The following SCRG1 variants were observed in gnomAD, a reference collection of about 807,000 sequenced individuals.
SCRG1 encodes the protein scrapie-responsive protein 1.
A neutral mutation model predicts 7.7 loss-of-function variants in SCRG1; 3 were observed. The observed-to-expected ratio is 0.39, with a 90% CI of 0.18 to 1.01. SCRG1 has a LOEUF of 1.01. SCRG1 is among the 50% of genes least tolerant of loss of function. The probability of loss-of-function intolerance (pLI) is 0.36; values close to 1 mark genes in which losing one functional copy is unlikely to be tolerated. For missense variants in SCRG1, 110 were observed against 117.2 expected, an observed-to-expected ratio of 0.94 and a Z score of 0.28; for synonymous variants, 46 against 41.2, an observed-to-expected ratio of 1.12 and a Z score of -0.44.
chr4:173,475,043 C>G, the SCRG1 span, among the ~76,000 whole-genome samples: 1 of 151,406 alleles, frequency 6.6e-6, no homozygotes, highest in African/African-American at 2.4e-5. Context: ...AAATCTCTCT[C>G]TCTTTTCCTC....
the SCRG1 span, chr4:173,419,542 G>T: frequency 9.6e-6 from 7 of 730,188 alleles, no homozygotes; most frequent in Non-Finnish European, 1.7e-5. Flanking sequence ...TCTGGCCCAT[G>T]ATGTGCTTCC....
the SCRG1 span, among the ~76,000 whole-genome samples, chr4:173,481,636 C>T: frequency 6.6e-6 from 1 of 152,116 alleles, no homozygotes; most frequent in African/African-American, 2.4e-5. Flanking sequence ...AGACCAACCC[C>T]TCTTCCTGCT....
chr4:173,392,955 G>A lies in SCRG1; in HGVS notation c.-14-1527C>T, dbSNP rs572192469. On this transcript the variant is annotated intron_variant, in intron 1 of 2. Transcript: ENST00000296506. ...AAAATACAAAAAGTAGCCAGGCATG[G>A]TGGCATGCGCCTGTAATCCCAGCTA... Among the ~76,000 whole-genome samples, 12 of 152,294 alleles carry A rather than the reference G, an allele frequency of 7.9e-5. No homozygotes were observed. In the South Asian group the frequency reaches 2.5e-3, roughly 32 times the overall value.
chr4:173,403,333 T>C (rs1237604530), upstream of SCRG1: 2 of 152,152 alleles, frequency 1.3e-5, no homozygotes, highest in African/African-American at 2.4e-5. Flanking sequence ...TACTTGGGAA[T>C]GGCTAGGATT....
the SCRG1 span, among the ~76,000 whole-genome samples, chr4:173,454,156 G>A: frequency 1.3e-5 from 2 of 152,048 alleles, no homozygotes; most frequent in Admixed American, 6.6e-5. Context: ...GGAGAAACTG[G>A]GCCAGGGAAG....
chr4:173,412,068 A>G, the SCRG1 span, among the ~76,000 whole-genome samples: 1 of 152,184 alleles, frequency 6.6e-6, no homozygotes, highest in East Asian at 1.9e-4. Context: ...AGCAGCAAGT[A>G]GGCACTGTGT....
the SCRG1 span, among the ~76,000 whole-genome samples, chr4:173,429,104 A>C: frequency 2.0e-5 from 3 of 152,210 alleles, no homozygotes; most frequent in African/African-American, 4.8e-5. Flanking sequence ...CATACCAAAG[A>C]AAAATAGAAA....
chr4:173,432,318 C>CCTTT, the SCRG1 span, among the ~76,000 whole-genome samples: 1 of 124,932 alleles, frequency 8.0e-6, no homozygotes, highest in Non-Finnish European at 1.8e-5. Context: ...TCCCTCCTTC[C>CCTTT]CTTCCTTCCT....
the SCRG1 span, among the ~76,000 whole-genome samples, chr4:173,497,193 C>T: frequency 1.3e-5 from 2 of 152,180 alleles, no homozygotes; most frequent in East Asian, 1.9e-4. Flanking sequence ...GTCACCTAGA[C>T]TTAAATGCAG....
At chr4:173,408,331 T>C (rs1739965013), upstream of SCRG1, among the ~76,000 whole-genome samples, 1 of 152,194 alleles carries the variant, frequency 6.6e-6, no homozygotes, top group South Asian at 2.1e-4. Flanking sequence ...TCTTTGCCTT[T>C]AATACTAATA....
the SCRG1 span, among the ~76,000 whole-genome samples, chr4:173,488,022 GC>G: frequency 1.3e-5 from 2 of 151,948 alleles, no homozygotes; most frequent in African/African-American, 4.8e-5. Context: ...AATCGCTTGA[GC>G]CCCAGAGGCA....
the SCRG1 span, among the ~76,000 whole-genome samples, chr4:173,420,745 A>T: frequency 6.6e-6 from 1 of 152,132 alleles, no homozygotes; most frequent in Admixed American, 6.5e-5. Context: ...ACAGGATGCA[A>T]GTTAGGGCAG....
At chr4:173,486,756 T>A in the SCRG1 span, among the ~76,000 whole-genome samples, 1 of 152,152 alleles carries the variant, frequency 6.6e-6, no homozygotes, top group Non-Finnish European at 1.5e-5. Flanking sequence ...GACTGGGGTG[T>A]CAAAGTCAAG....
chr4:173,459,666 ATT>A, the SCRG1 span, among the ~76,000 whole-genome samples: 9 of 152,214 alleles, frequency 5.9e-5, no homozygotes, highest in Admixed American at 4.6e-4. Flanking sequence ...AAGTAAGGAG[ATT>A]TCAAATAAAC....
chr4:173,483,264 ATATATGATATATAATATATGATATATC>A, the SCRG1 span, among the ~76,000 whole-genome samples: 1 of 56,448 alleles, frequency 1.8e-5, no homozygotes, highest in South Asian at 5.3e-4. Context: ...ATGATATATC[ATATATGATATATAATATATGATATATC>A]ATATATGATA....
chr4:173,517,086 C>A, the SCRG1 span, among the ~76,000 whole-genome samples: 1 of 152,216 alleles, frequency 6.6e-6, no homozygotes, highest in African/African-American at 2.4e-5. Context: ...AGGCTCCCGG[C>A]GCCCAGGCCG....
At chr4:173,463,752 CT>C in the SCRG1 span, among the ~76,000 whole-genome samples, 1 of 152,102 alleles carries the variant, frequency 6.6e-6, no homozygotes, top group South Asian at 2.1e-4. Flanking sequence ...CCAGTGAAAC[CT>C]TTGTGGTTAT....
intron 2 of SCRG1, chr4:173,389,763 C>T: frequency 4.1e-6 from 1 of 243,328 alleles, no homozygotes; most frequent in Admixed American, 4.3e-5. Context: ...GTTCTAATCC[C>T]AGTGTTGATA....
At chr4:173,480,533 A>G in the SCRG1 span, among the ~76,000 whole-genome samples, 2 of 152,174 alleles carry the variant, frequency 1.3e-5, no homozygotes, top group Non-Finnish European at 2.9e-5. Flanking sequence ...TGAGTTGATC[A>G]TTATACAATT....
Sources: allele counts gnomAD v4.1 joint callset (sites outside exome capture counted in the v4.1 genomes callset), GRCh38; gene constraint gnomAD v4.1.1; transcripts MANE v1.5; gene names NCBI Gene and HGNC (gene_info 2026-07-23, HGNC 2026-07-21).